Variants in SLCO6A1 observed in about 807,000 individuals in gnomAD.
SLCO6A1 encodes cancer/testis antigen 48.
SLCO6A1 carries 65 observed loss-of-function variants against 72.7 expected under a neutral mutation model. That is an observed-to-expected ratio of 0.89 (90% CI 0.73 to 1.10). The LOEUF (loss-of-function observed/expected upper bound fraction) is 1.10, where lower values mean the gene tolerates loss of function less well. SLCO6A1 is among the 50% of genes least tolerant of loss of function. The probability of loss-of-function intolerance (pLI) is 0.00; values close to 1 mark genes in which losing one functional copy is unlikely to be tolerated. For synonymous variants in SLCO6A1, 314 were observed against 298.2 expected, an observed-to-expected ratio of 1.05 and a Z score of -0.55; for missense variants, 874 against 872.6, an observed-to-expected ratio of 1.00 and a Z score of -0.02.
At chr5:102,455,533 T>C (rs1750663690) in intron 6 of SLCO6A1, among the ~76,000 whole-genome samples, 1 of 152,164 alleles carries the variant, frequency 6.6e-6, no homozygotes, top group South Asian at 2.1e-4. Flanking sequence ...AAGATTTTCT[T>C]CATTTAATAT....
At chr5:102,430,944 GGCTATTTATT>G (rs1749182898) in intron 7 of SLCO6A1, among the ~76,000 whole-genome samples, 1 of 151,726 alleles carries the variant, frequency 6.6e-6, no homozygotes, top group Non-Finnish European at 1.5e-5. Flanking sequence ...TTGGTTTGTA[GGCTATTTATT>G]GCTATTTCAG....
chr5:102,493,071 A>G (rs964329014), intron 1 of SLCO6A1, among the ~76,000 whole-genome samples: 3 of 152,214 alleles, frequency 2.0e-5, no homozygotes, highest in Non-Finnish European at 2.9e-5. Flanking sequence ...TGTATTAAAA[A>G]AAATACTACA....
chr5:102,391,355 G>T, intron 10 of SLCO6A1: 1 of 285,006 alleles, frequency 3.5e-6, no homozygotes, highest in Non-Finnish European at 6.6e-6. Flanking sequence ...TATACTTACC[G>T]GTTTTCATTC....
At chr5:102,446,406 T>G (rs2112707595) in intron 6 of SLCO6A1, among the ~76,000 whole-genome samples, 1 of 152,324 alleles carries the variant, frequency 6.6e-6, no homozygotes, top group South Asian at 2.1e-4. Flanking sequence ...TACTGATTTC[T>G]GTACATTGAT....
intron 6 of SLCO6A1, among the ~76,000 whole-genome samples, chr5:102,444,989 G>A (rs1407284618): frequency 6.6e-6 from 1 of 152,066 alleles, no homozygotes; most frequent in Non-Finnish European, 1.5e-5. Context: ...GCATCTAGGT[G>A]GATTCCATGT....
chr5:102,434,024 T>C (rs6863068), intron 7 of SLCO6A1, among the ~76,000 whole-genome samples: 96,283 of 151,384 alleles, frequency 0.64, 30,777 homozygotes, highest in African/African-American at 0.66. Context: ...AAGGAGTGCC[T>C]CTTGTTAGTA....
intron 12 of SLCO6A1, among the ~76,000 whole-genome samples, chr5:102,373,756 T>C (rs1365399676): frequency 6.6e-6 from 1 of 152,198 alleles, no homozygotes; most frequent in African/African-American, 2.4e-5. Context: ...TAGACTGTGT[T>C]AATTCTGAAA....
intron 9 of SLCO6A1, among the ~76,000 whole-genome samples, chr5:102,408,389 G>C (rs1333556405): frequency 6.6e-6 from 1 of 152,030 alleles, no homozygotes; most frequent in Non-Finnish European, 1.5e-5. Flanking sequence ...ACAGGAAAGA[G>C]AGAGAGAGGT....
At chr5:102,422,807 C>A (rs1323209389) in intron 7 of SLCO6A1, among the ~76,000 whole-genome samples, 12 of 151,896 alleles carry the variant, frequency 7.9e-5, no homozygotes, top group Admixed American at 7.9e-4. Context: ...AAGAGCAACC[C>A]CAAGACACAT....
At chr5:102,495,528 G>A (rs1580534435) in intron 1 of SLCO6A1, among the ~76,000 whole-genome samples, 1 of 152,170 alleles carries the variant, frequency 6.6e-6, no homozygotes, top group South Asian at 2.1e-4. Flanking sequence ...CAAGGAGGCG[G>A]AGGTTGCAGT....
chr5:102,438,765 A>C lies in SLCO6A1; in HGVS notation c.1132-4T>G. The C allele has an allele frequency of 1.3e-6, 2 of 1,526,182 alleles. No homozygotes were observed. The highest frequency in any genetic ancestry group is 1.7e-6 in the Non-Finnish European group (2 of 1,143,248). 94.5% of individuals were successfully genotyped at this position (1,526,182 alleles called of 1,614,324 possible). On this transcript the variant is annotated splice_region_variant and splice_polypyrimidine_tract_variant and intron_variant, in intron 6 of 13. Transcript: ENST00000506729. ...GCACTGGATTCTTCATCAGAATCTGAAATAAAAATAAGTTATATATCTATT... is the reference window on the plus strand; with the variant it reads ...GCACTGGATTCTTCATCAGAATCTGCAATAAAAATAAGTTATATATCTATT...
chr5:102,477,505 C>T (rs1432290738), intron 3 of SLCO6A1, among the ~76,000 whole-genome samples, 171 bp downstream of exon 3: 1 of 152,100 alleles, frequency 6.6e-6, no homozygotes, highest in Non-Finnish European at 1.5e-5. Context: ...TCTCAAACAG[C>T]TACTTAGAAT....
At position 102,458,436 on chromosome 5, in the gene SLCO6A1, T is replaced by A. The variant is rs1419384590; in HGVS notation, c.1077A>T (p.Arg359Ser). The change falls in exon 6 of 14, where the codon AGA becomes AGT. Residue 359 changes from arginine to serine, a missense_variant. Transcript: ENST00000506729. ...TAGTTCCAAGTTTCAGATCTTTAAG[T>A]CTGCTGTCAAAAAAATGAAGCTGTT... ...KRKQLHFFDS[R>S]LKDLKLGTNI... 1.2e-6 allele frequency: 2 copies of A among 1,613,086 alleles called. No individual in the cohort carries two copies. Among genetic ancestry groups the A allele is most frequent in the Non-Finnish European group, 1.7e-6 (2 of 1,179,488 alleles).
chr5:102,376,804 G>A (rs1745821676), intron 12 of SLCO6A1, among the ~76,000 whole-genome samples: 2 of 152,116 alleles, frequency 1.3e-5, no homozygotes, highest in African/African-American at 4.8e-5. Context: ...CAACTTCTGT[G>A]ACCCACCAAT....
chr5:102,419,829 T>C lies in SLCO6A1; in HGVS notation c.1469A>G (p.Asp490Gly), dbSNP rs770466668. The change falls in exon 8 of 14, where the codon GAT becomes GGT. Residue 490 changes from aspartate (D) to glycine (G), a missense_variant. Asp to Gly is a moderately conservative substitution (Grantham distance 94). Transcript: ENST00000506729. ...TAATATACAAGACTACATTTACCCA[T>C]CATAATCTTCATTGATCCCAGCAAA... Reference protein sequence around the residue: ...VQFAGINEDYDGTGKLGNLTA... With the variant: ...VQFAGINEDYGGTGKLGNLTA... 2.5e-6 allele frequency: 4 copies of C among 1,594,588 alleles called. No individual in the cohort carries two copies. The highest frequency in any genetic ancestry group is 3.4e-6 in the Non-Finnish European group (4 of 1,174,508).
intron 6 of SLCO6A1, among the ~76,000 whole-genome samples, chr5:102,441,381 T>G (rs189030730): frequency 8.7e-4 from 132 of 152,316 alleles, no homozygotes; most frequent in African/African-American, 3.0e-3. Flanking sequence ...TTCTTATGTG[T>G]AACATTTAGT....
intron 6 of SLCO6A1, among the ~76,000 whole-genome samples, chr5:102,448,589 C>T (rs1282551723): frequency 2.0e-5 from 3 of 152,114 alleles, no homozygotes; most frequent in African/African-American, 4.8e-5. Context: ...GGAGTTAGCT[C>T]TGCTTGTTGA....
intron 4 of SLCO6A1, among the ~76,000 whole-genome samples, chr5:102,471,652 A>C (rs1455916985): frequency 6.6e-6 from 1 of 152,116 alleles, no homozygotes; most frequent in East Asian, 1.9e-4. Flanking sequence ...ACTGTGTCCA[A>C]TTTATCCCTA....
chr5:102,472,288 T>C (rs769499926), intron 4 of SLCO6A1, among the ~76,000 whole-genome samples: 1 of 152,144 alleles, frequency 6.6e-6, no homozygotes, highest in African/African-American at 2.4e-5. Flanking sequence ...CAAAACGTTA[T>C]ACTAGCTGGG....
Sources: allele counts gnomAD v4.1 joint callset (sites outside exome capture counted in the v4.1 genomes callset), GRCh38; gene constraint gnomAD v4.1.1; transcripts MANE v1.5; gene names NCBI Gene and HGNC (gene_info 2026-07-23, HGNC 2026-07-21).